CNTN6: variants seen among roughly 807,000 people sequenced by gnomAD.
CNTN6 encodes the protein contactin-6.
A neutral mutation model predicts 122.8 loss-of-function variants in CNTN6; 137 were observed. The observed-to-expected ratio is 1.12, with a 90% CI of 0.97 to 1.29. CNTN6 has a LOEUF of 1.29. Among genes scored for constraint, CNTN6 ranks in the 50% most tolerant of loss-of-function variants. The probability of loss-of-function intolerance (pLI) is 0.00; values close to 1 mark genes in which losing one functional copy is unlikely to be tolerated. For synonymous variants in CNTN6, 570 were observed against 426.0 expected (o/e 1.34, Z -4.16); for missense variants, 1,634 against 1,223.4 (o/e 1.34, Z -5.01).
intron 7 of CNTN6, among the ~76,000 whole-genome samples, chr3:1,305,024 T>A: frequency 6.8e-6 from 1 of 147,016 alleles, no homozygotes; most frequent in African/African-American, 2.5e-5. Flanking sequence ...AAAGATAAAC[T>A]TGTAAAAATT....
At position 1,298,113 on chromosome 3, in the gene CNTN6, A is replaced by G; in HGVS notation, c.761+122A>G. 6.1e-6 allele frequency: 4 copies of G among 655,692 alleles called. No homozygotes were observed. In the South Asian group the frequency reaches 6.1e-5, roughly 10 times the overall value. 40.6% of individuals were successfully genotyped at this position (655,692 alleles called of 1,614,324 possible). Reference sequence around the variant, plus strand: ...CCAAGTAGATTTCAAATGCTGGGCAACAGTGGAACTTTCTGATTTGAATTT... The same window carrying G: ...CCAAGTAGATTTCAAATGCTGGGCAGCAGTGGAACTTTCTGATTTGAATTT... On this transcript the variant is annotated intron_variant, in intron 7 of 22. Transcript: ENST00000446702.
At chr3:1,287,282 A>G (rs913675114) in intron 5 of CNTN6, among the ~76,000 whole-genome samples, 2 of 152,198 alleles carry the variant, frequency 1.3e-5, no homozygotes, top group Admixed American at 6.5e-5. Context: ...TAAGATGTTT[A>G]GTAATATCCC....
intron 4 of CNTN6, among the ~76,000 whole-genome samples, chr3:1,263,188 GA>G (rs34566481): frequency 0.082 from 12,440 of 151,568 alleles, 601 homozygotes; most frequent in Non-Finnish European, 0.1. Flanking sequence ...CAGAGAAATT[GA>G]AAAAAAATGA....
At chr3:1,249,921 G>A (rs114355671) in intron 4 of CNTN6, among the ~76,000 whole-genome samples, 7,679 of 151,792 alleles carry the variant, frequency 0.051, 313 homozygotes, top group East Asian at 0.15. Context: ...CTCTGTTTTT[G>A]TGTTGTTTCT....
At chr3:1,324,760 C>T (rs1355306422) in intron 8 of CNTN6, among the ~76,000 whole-genome samples, 2 of 149,602 alleles carry the variant, frequency 1.3e-5, no homozygotes, top group Non-Finnish European at 2.9e-5. Context: ...CTTGGGCTAA[C>T]ATTCTCAAAT....
chr3:1,315,676 C>T (rs1040111439), intron 7 of CNTN6, among the ~76,000 whole-genome samples: 1 of 151,864 alleles, frequency 6.6e-6, no homozygotes, highest in Non-Finnish European at 1.5e-5. Flanking sequence ...TGTCTGATTG[C>T]TTTCTTCCCT....
At chr3:1,234,040 C>A (rs1426531397) in intron 4 of CNTN6, among the ~76,000 whole-genome samples, 7 of 152,096 alleles carry the variant, frequency 4.6e-5, no homozygotes, top group African/African-American at 1.4e-4. Flanking sequence ...GGGTTTTACA[C>A]CTGCCATGCC....
intron 12 of CNTN6, among the ~76,000 whole-genome samples, chr3:1,371,259 G>C (rs1487314157): frequency 6.6e-6 from 1 of 151,992 alleles, no homozygotes; most frequent in African/African-American, 2.4e-5. Context: ...ATTTCTTAGA[G>C]AGCTAAACTT....
chr3:1,334,305 A>G (rs1206839417), intron 11 of CNTN6, among the ~76,000 whole-genome samples: 1 of 152,070 alleles, frequency 6.6e-6, no homozygotes, highest in African/African-American at 2.4e-5. Flanking sequence ...ATTAGAAAAC[A>G]CGGGTTGTGG....
intron 1 of CNTN6, among the ~76,000 whole-genome samples, chr3:1,109,842 G>C (rs888850705): frequency 1.3e-5 from 2 of 151,934 alleles, no homozygotes; most frequent in African/African-American, 2.4e-5. Flanking sequence ...AAACTAAAGA[G>C]ATTTAATTTT....
At position 1,403,612 on chromosome 3, in the gene CNTN6, C is replaced by T. The variant is rs1296862510; in HGVS notation, c.*194C>T. Reference sequence around the variant, plus strand: ...TTTAAACACTTTTGAATTTTAAAATCCGCACATGATTACATGAATTCCTAG... The same window carrying T: ...TTTAAACACTTTTGAATTTTAAAATTCGCACATGATTACATGAATTCCTAG... On this transcript the variant is annotated 3_prime_UTR_variant, in exon 23 of 23. Coordinates refer to ENST00000446702, the MANE Select transcript of CNTN6 (RefSeq NM_001289080.2). 2.6e-6 allele frequency: 1 copy of T among 377,708 alleles called. No individual in the cohort carries two copies. Among genetic ancestry groups the T allele is most frequent in the East Asian group, 4.2e-5 (1 of 24,078 alleles). 23.4% of individuals were successfully genotyped at this position (377,708 alleles called of 1,614,324 possible).
Position 1,227,852 on chromosome 3 carries a change from A to C in CNTN6, c.217A>C (p.Met73Leu), listed in dbSNP as rs1244270310. 6.2e-7 allele frequency: 1 copy of C among 1,613,880 alleles called. No individual in the cohort carries two copies. Among genetic ancestry groups the C allele is most frequent in the Middle Eastern group, 1.6e-4 (1 of 6,062 alleles). ...KQNGTDIDFT[M>L]SYHYRLDGGS... ...AAATGGCACAGACATTGATTTTACT[A>C]TGAGTTATCACTACAGGTTGGATGG... The change falls in exon 4 of 23, where the codon ATG (methionine) becomes CTG (leucine). Residue 73 changes from methionine to leucine, a missense_variant. Physicochemically the swap from Met to Leu is conservative, Grantham distance 15. Coordinates refer to ENST00000446702, the MANE Select transcript of CNTN6 (RefSeq NM_001289080.2).
intron 2 of CNTN6, among the ~76,000 whole-genome samples, chr3:1,150,887 A>G (rs1411455305): frequency 1.3e-5 from 2 of 152,242 alleles, no homozygotes; most frequent in African/African-American, 4.8e-5. Context: ...GGGGAAGGCA[A>G]TGAGGCAGCA....
intron 4 of CNTN6, among the ~76,000 whole-genome samples, chr3:1,278,183 A>G (rs1298851383): frequency 6.6e-6 from 1 of 152,206 alleles, no homozygotes; most frequent in Non-Finnish European, 1.5e-5. Context: ...GCAAACAGAT[A>G]GTGAGTATTG....
intron 12 of CNTN6, among the ~76,000 whole-genome samples, chr3:1,354,477 A>G (rs774611841): frequency 6.6e-6 from 1 of 151,146 alleles, no homozygotes; most frequent in Non-Finnish European, 1.5e-5. Context: ...TGTTACCTTA[A>G]TCAGTTCCAC....
At chr3:1,321,532 T>C (rs1393277496) in intron 7 of CNTN6, 118 bp from the exon 8 acceptor site, 1 of 909,526 alleles carries the variant, frequency 1.1e-6, no homozygotes, top group Non-Finnish European at 1.7e-6. Flanking sequence ...AAACTAGTCA[T>C]AATACAACAG....
At chr3:1,144,946 C>G (rs538407212) in intron 1 of CNTN6, among the ~76,000 whole-genome samples, 309 of 152,220 alleles carry the variant, frequency 2.0e-3, no homozygotes, top group African/African-American at 7.1e-3. Flanking sequence ...CTTTGCAGGC[C>G]TCCGGAGGAT....
At chr3:1,255,154 G>A (rs557157517) in intron 4 of CNTN6, among the ~76,000 whole-genome samples, 2 of 152,238 alleles carry the variant, frequency 1.3e-5, no homozygotes, top group Admixed American at 1.3e-4. Flanking sequence ...TGAGGCATAT[G>A]CTCAGAACCA....
intron 5 of CNTN6, among the ~76,000 whole-genome samples, chr3:1,285,588 C>T (rs761628441): frequency 3.3e-5 from 5 of 152,154 alleles, no homozygotes; most frequent in Non-Finnish European, 5.9e-5. Context: ...AATACTTCAA[C>T]GCATTTAACA....
Sources: gnomAD v4.1 joint callset for allele counts (sites outside exome capture counted in the v4.1 genomes callset) on GRCh38, gnomAD v4.1.1 for gene constraint, MANE v1.5 for transcripts, NCBI Gene and HGNC (gene_info 2026-07-23, HGNC 2026-07-21) for gene names.